Variants in COLEC11 observed in about 807,000 individuals in gnomAD.
COLEC11 encodes collectin subfamily member 11.
Under a neutral mutation model 27.3 loss-of-function variants are expected in COLEC11, and 20 were observed. The ratio of observed to expected loss-of-function variants is 0.73; its 90% CI spans 0.51 to 1.06. The LOEUF (loss-of-function observed/expected upper bound fraction) is 1.06. Ranked by LOEUF, COLEC11 falls within the 50% of genes least tolerant of loss-of-function variation. The probability of loss-of-function intolerance (pLI) is 0.00; values close to 1 mark genes in which losing one functional copy is unlikely to be tolerated. For missense variants in COLEC11, 310 were observed against 383.0 expected, an observed-to-expected ratio of 0.81 and a Z score of 1.59; for synonymous variants, 163 against 154.7, an observed-to-expected ratio of 1.05 and a Z score of -0.40.
At chr2:3,632,881 T>C (rs1665120186) in intron 3 of COLEC11, among the ~76,000 whole-genome samples, 1 of 135,866 alleles carries the variant, frequency 7.4e-6, no homozygotes, top group Admixed American at 7.7e-5. Context: ...GAACGTCACC[T>C]TCCCATGAAA....
At chr2:3,620,444 T>G (rs944337509) in intron 3 of COLEC11, among the ~76,000 whole-genome samples, 1 of 152,164 alleles carries the variant, frequency 6.6e-6, no homozygotes, top group African/African-American at 2.4e-5. Flanking sequence ...CTCTTTTTTC[T>G]TCGTCTAGCT....
At chr2:3,643,031 G>A (rs1016877662) in intron 5 of COLEC11, among the ~76,000 whole-genome samples, 5 of 152,174 alleles carry the variant, frequency 3.3e-5, no homozygotes, top group East Asian at 1.9e-4. Flanking sequence ...ACGCCACTGC[G>A]CCCTTCAGCT....
At chr2:3,611,015 C>T (rs1663146751) in intron 2 of COLEC11, among the ~76,000 whole-genome samples, 1 of 152,160 alleles carries the variant, frequency 6.6e-6, no homozygotes, top group Non-Finnish European at 1.5e-5. Flanking sequence ...CTCTGATTTT[C>T]CCCGTGTGGT....
intron 4 of COLEC11, 49 bp from the exon 5 acceptor site, chr2:3,640,229 A>T: frequency 1.8e-6 from 2 of 1,114,914 alleles, no homozygotes; most frequent in Non-Finnish European, 2.8e-6. Flanking sequence ...TAACACATAG[A>T]ACATGTCCAT....
intron 1 of COLEC11, among the ~76,000 whole-genome samples, chr2:3,598,739 T>C (rs547934679): frequency 6.6e-6 from 1 of 151,972 alleles, no homozygotes; most frequent in East Asian, 1.9e-4. Flanking sequence ...GAGAGGAGGC[T>C]GGAGGCGGGC....
At chr2:3,643,686 A>G (rs1666052055) in intron 6 of COLEC11, 41 bp from the exon 7 acceptor site, 1 of 1,612,992 alleles carries the variant, frequency 6.2e-7, no homozygotes, top group Non-Finnish European at 8.5e-7. Flanking sequence ...TTTGTTGCAC[A>G]CATACAAGTG....
intron 2 of COLEC11, among the ~76,000 whole-genome samples, chr2:3,607,822 A>G (rs983263722): frequency 6.6e-6 from 1 of 152,256 alleles, no homozygotes; most frequent in African/African-American, 2.4e-5. Context: ...TGGGGCCTGA[A>G]TAACATGCGC....
chr2:3,621,026 C>T (rs892125082), intron 3 of COLEC11, among the ~76,000 whole-genome samples: 1 of 152,172 alleles, frequency 6.6e-6, no homozygotes, highest in Non-Finnish European at 1.5e-5. Flanking sequence ...ATGGAATGTT[C>T]TCTGTTAGCT....
intron 2 of COLEC11, among the ~76,000 whole-genome samples, chr2:3,610,034 G>A (rs13010460): frequency 0.69 from 105,346 of 152,202 alleles, 36,984 homozygotes; most frequent in South Asian, 0.89. Flanking sequence ...AAGCTATCAT[G>A]ACAAACTTGT....
intron 4 of COLEC11, among the ~76,000 whole-genome samples, chr2:3,638,346 C>T (rs1186805621): frequency 1.3e-5 from 2 of 152,152 alleles, no homozygotes. Context: ...GGTGGGAGGG[C>T]AAGGAGCTGG....
chr2:3,616,514 C>T (rs558592782), intron 3 of COLEC11, among the ~76,000 whole-genome samples: 44 of 152,334 alleles, frequency 2.9e-4, no homozygotes, highest in Non-Finnish European at 5.4e-4. Flanking sequence ...CCGGGCACCT[C>T]GGGAGGCCGA....
chr2:3,616,753 A>AGAGAGGGAGAGGGAGACCGTGGG (rs1482663599), intron 3 of COLEC11, among the ~76,000 whole-genome samples: 47 of 149,470 alleles, frequency 3.1e-4, no homozygotes, highest in South Asian at 4.2e-4. Flanking sequence ...GATCGTGGAA[A>AGAGAGGGAGAGGGAGACCGTGGG]GAGAGGGAGA....
chr2:3,629,840 T>TTA (rs1664842321), intron 3 of COLEC11, among the ~76,000 whole-genome samples: 1 of 152,246 alleles, frequency 6.6e-6, no homozygotes, highest in Non-Finnish European at 1.5e-5. Flanking sequence ...TGTATGTATA[T>TTA]GTTTGTATTC....
At chr2:3,635,611 C>G (rs1167019854) in intron 3 of COLEC11, among the ~76,000 whole-genome samples, 1 of 152,232 alleles carries the variant, frequency 6.6e-6, no homozygotes, top group Non-Finnish European at 1.5e-5. Context: ...TCCCGACTTA[C>G]CGGCAAACCC....
chr2:3,599,978 G>A (rs984635899), intron 1 of COLEC11, among the ~76,000 whole-genome samples: 3 of 152,238 alleles, frequency 2.0e-5, no homozygotes, highest in African/African-American at 7.2e-5. Context: ...GCTCAAGCCT[G>A]TAATCGCAGC....
chr2:3,643,513 C>G lies in COLEC11; in HGVS notation c.398C>G (p.Thr133Ser), dbSNP rs776356570. ...GEMDNQVSQL[T>S]SELKFIKNAV... is the part of the protein sequence containing the mutation. Reference sequence around the variant, plus strand: ...ATGGACAACCAGGTCTCTCAGCTGACCAGCGAGCTCAAGTTCATCAAGAAT... The same window carrying G: ...ATGGACAACCAGGTCTCTCAGCTGAGCAGCGAGCTCAAGTTCATCAAGAAT... Residue 133 changes from threonine (T) to serine (S), a missense_variant, in exon 6 of 7, where the codon ACC (threonine) becomes AGC (serine). Physicochemically the swap from Thr to Ser is moderately conservative, Grantham distance 58. Transcript: ENST00000349077. 1.9e-6 allele frequency: 3 copies of G among 1,613,854 alleles called. No homozygotes were observed. The East Asian group carries it at 6.7e-5, about 36-fold the overall frequency.
rs60222284 is a variant in COLEC11 at position 3,625,625 on chromosome 2, C to CTTTTTTTTTTTTTTTT, written c.203-11904_203-11889dup. ...GGAAAGTTTCTTTTCTTCTTTTTTACTTTTTTTTTTTTTTTTTTTGAGACA... is the reference window on the plus strand; with the variant it reads ...GGAAAGTTTCTTTTCTTCTTTTTTACTTTTTTTTTTTTTTTTTTTTTTTTTTTTTTTTTTTGAGACA... On this transcript the variant is annotated intron_variant, in intron 3 of 6. Transcript: ENST00000349077. Among the ~76,000 whole-genome samples the CTTTTTTTTTTTTTTTT allele has an allele frequency of 1.2e-3, 109 of 91,450 alleles. 7 individuals carry two copies. The highest frequency in any genetic ancestry group is 2.6e-3 in the African/African-American group (54 of 20,854). 60.0% of individuals were successfully genotyped at this position (91,450 alleles called of 152,430 possible).
At chr2:3,603,366 G>T in intron 1 of COLEC11, 2 of 340,478 alleles carry the variant, frequency 5.9e-6, no homozygotes, top group South Asian at 9.5e-5. Flanking sequence ...ATGCAGGCTG[G>T]AGTGTAGTGG....
chr2:3,606,393 C>G, intron 2 of COLEC11: 2 of 700,668 alleles, frequency 2.9e-6, no homozygotes, highest in Non-Finnish European at 4.8e-6. Context: ...TGGGTAGGGT[C>G]CCTTCTCAAC....
Sources: allele counts gnomAD v4.1 joint callset (sites outside exome capture counted in the v4.1 genomes callset), GRCh38; gene constraint gnomAD v4.1.1; transcripts MANE v1.5; gene names NCBI Gene and HGNC (gene_info 2026-07-23, HGNC 2026-07-21).